KIRREL1: variants seen among roughly 807,000 people sequenced by gnomAD.
KIRREL1 encodes the protein kirre like nephrin family adhesion molecule 1, also known as kin of IRRE-like protein 1.
A neutral mutation model predicts 83.3 loss-of-function variants in KIRREL1; 25 were observed. The observed-to-expected ratio is 0.30, with a 90% confidence interval of 0.22 to 0.42. The LOEUF is 0.42. KIRREL1 is among the 10% of genes least tolerant of loss of function. KIRREL1 has a pLI of 1.00. For missense variants in KIRREL1, 812 were observed against 1,032.3 expected (o/e 0.79, Z 2.92); for synonymous variants, 388 against 410.4 (o/e 0.95, Z 0.66).
At chr1:158,024,298 A>G (rs1660100561) in intron 1 of KIRREL1, among the ~76,000 whole-genome samples, 3 of 67,330 alleles carry the variant, frequency 4.5e-5, no homozygotes, top group African/African-American at 6.7e-5. Flanking sequence ...TTTTTTTTTG[A>G]GACAGAGTAT....
chr1:158,072,646 C>G (rs1453423943), intron 1 of KIRREL1, among the ~76,000 whole-genome samples: 1 of 151,954 alleles, frequency 6.6e-6, no homozygotes, highest in Non-Finnish European at 1.5e-5. Flanking sequence ...GAAGAGGTGA[C>G]AAAGGCCTCC....
intron 1 of KIRREL1, among the ~76,000 whole-genome samples, chr1:158,014,063 T>G (rs1483690160): frequency 6.6e-6 from 1 of 151,616 alleles, no homozygotes; most frequent in Non-Finnish European, 1.5e-5. Context: ...CCCAAAGATA[T>G]GGGAGAGGGC....
rs1195890479 is a variant in KIRREL1 at position 158,097,195 on chromosome 1, T to C, written c.*2075T>C. 2 of 378,010 alleles carry C rather than the reference T, an allele frequency of 5.3e-6. No homozygotes were observed. Among genetic ancestry groups the C allele is most frequent in the South Asian group, 2.0e-5 (1 of 49,890 alleles). 23.4% of individuals were successfully genotyped at this position (378,010 alleles called of 1,614,324 possible). On this transcript the variant is annotated 3_prime_UTR_variant, in exon 15 of 15. Transcript: ENST00000359209. ...CTTTTATGAGAGCTCAGTGGGAAGG[T>C]CTGTCAAGAAATTCAGGTTCTTGTA...
intron 1 of KIRREL1, among the ~76,000 whole-genome samples, chr1:158,059,913 T>C (rs932947548): frequency 2.0e-5 from 3 of 152,136 alleles, no homozygotes; most frequent in African/African-American, 7.2e-5. Context: ...GGAATTAGTG[T>C]TGAGGTGGAC....
intron 1 of KIRREL1, among the ~76,000 whole-genome samples, chr1:158,070,013 C>G (rs1449325246): frequency 1.3e-5 from 2 of 152,190 alleles, no homozygotes; most frequent in African/African-American, 4.8e-5. Context: ...GCCTTGGCTA[C>G]CGCTCCTCCC....
intron 1 of KIRREL1, among the ~76,000 whole-genome samples, chr1:158,030,536 G>A (rs1001789916): frequency 1.6e-4 from 24 of 152,180 alleles, no homozygotes; most frequent in African/African-American, 5.1e-4. Flanking sequence ...ACTCCAGGCC[G>A]TCGCATATCT....
chr1:157,998,748 C>T (rs185622390), intron 1 of KIRREL1, among the ~76,000 whole-genome samples: 61 of 152,302 alleles, frequency 4.0e-4, no homozygotes, highest in Middle Eastern at 3.4e-3. Context: ...TGTTCTAACC[C>T]GCCTGGGGAG....
chr1:158,023,620 G>A (rs575179992), intron 1 of KIRREL1, among the ~76,000 whole-genome samples: 104 of 152,274 alleles, frequency 6.8e-4, no homozygotes, highest in African/African-American at 2.2e-3. Context: ...TAGGGGGACC[G>A]GGAGACTTGT....
At chr1:158,000,363 T>C (rs1187863381) in intron 1 of KIRREL1, among the ~76,000 whole-genome samples, 2 of 152,238 alleles carry the variant, frequency 1.3e-5, no homozygotes, top group African/African-American at 2.4e-5. Flanking sequence ...CCCTCCTGTG[T>C]CTTTAAAGGC....
At position 158,086,644 on chromosome 1, in the gene KIRREL1, A is replaced by G; in HGVS notation, c.559A>G (p.Ile187Val). 6.4e-7 allele frequency: 1 copy of G among 1,552,046 alleles called. No homozygotes were observed. Among genetic ancestry groups the G allele is most frequent in the Non-Finnish European group, 8.7e-7 (1 of 1,147,080 alleles). ...GGAGACCACCGTGAGCCAACTGCTT[A>G]TTAACCCCACGGACCTGGACATAGG... ...KRETTVSQLL[I>V]NPTDLDIGRV... Residue 187 changes from isoleucine to valine, a missense_variant, in exon 5 of 15, where the codon ATT (isoleucine) becomes GTT (valine). Coordinates refer to ENST00000359209, the MANE Select transcript of KIRREL1 (RefSeq NM_018240.7).
chr1:158,045,664 T>A (rs1258111214), intron 1 of KIRREL1, among the ~76,000 whole-genome samples: 1 of 151,852 alleles, frequency 6.6e-6, no homozygotes, highest in Non-Finnish European at 1.5e-5. Context: ...ACTCTAGGAG[T>A]CCAGAGTTTT....
chr1:157,995,183 C>T (rs1321632337), intron 1 of KIRREL1, among the ~76,000 whole-genome samples: 1 of 152,218 alleles, frequency 6.6e-6, no homozygotes, highest in African/African-American at 2.4e-5. Context: ...CCTTTCCTCT[C>T]CTTGTCGGGT....
intron 1 of KIRREL1, among the ~76,000 whole-genome samples, chr1:158,004,467 G>A (rs1445776445): frequency 2.0e-5 from 3 of 152,288 alleles, no homozygotes; most frequent in East Asian, 3.9e-4. Flanking sequence ...ACAGTGTAAT[G>A]GAAAGCACTC....
intron 1 of KIRREL1, among the ~76,000 whole-genome samples, chr1:158,043,748 A>G (rs1660703250): frequency 6.6e-6 from 1 of 152,154 alleles, no homozygotes; most frequent in African/African-American, 2.4e-5. Flanking sequence ...TTCCTGGGGC[A>G]CAATGAGACA....
At position 158,076,125 on chromosome 1, in the gene KIRREL1, G is replaced by A. The variant is rs1050039797; in HGVS notation, c.65G>A (p.Arg22His). The A allele has an allele frequency of 2.1e-5, 34 of 1,613,830 alleles. No individual in the cohort carries two copies. Among genetic ancestry groups the A allele is most frequent in the African/African-American group, 4.0e-5 (3 of 74,922 alleles). The part of the protein sequence containing the change: ...SDTFSQGTQT[R>H]FSQEPADQTV... ...TTTGGCTTTGCAGGGACCCAGACCC[G>A]CTTCAGCCAGGAGCCAGCTGACCAG... is the stretch of plus-strand genomic sequence containing the variant. The change falls in exon 2 of 15, where the codon CGC (arginine) becomes CAC (histidine). Residue 22 changes from arginine (R) to histidine (H), a missense_variant. Around this residue, in one of 3 missense-constraint regions of KIRREL1, gnomAD observed 472 missense variants for 626.8 expected, o/e 0.75. Transcript: ENST00000359209.
intron 1 of KIRREL1, among the ~76,000 whole-genome samples, chr1:158,044,316 T>C (rs1191421269): frequency 6.6e-6 from 1 of 152,140 alleles, no homozygotes; most frequent in Non-Finnish European, 1.5e-5. Flanking sequence ...GGGACAGTCA[T>C]CTGTACTGAC....
At chr1:158,089,425 C>T in intron 8 of KIRREL1, 77 bp from the exon 9 acceptor site, 2 of 1,587,528 alleles carry the variant, frequency 1.3e-6, no homozygotes, top group Non-Finnish European at 1.7e-6. Context: ...CTTTCCGATG[C>T]CTCCGATGTG....
intron 1 of KIRREL1, among the ~76,000 whole-genome samples, chr1:158,063,514 A>G (rs1274214037): frequency 6.6e-6 from 1 of 152,142 alleles, no homozygotes; most frequent in Non-Finnish European, 1.5e-5. Flanking sequence ...GTCTTTCAGC[A>G]CTTATTTGTT....
intron 10 of KIRREL1, 49 bp downstream of exon 10, chr1:158,089,867 C>T (rs1662139696): frequency 2.6e-6 from 4 of 1,516,974 alleles, no homozygotes; most frequent in African/African-American, 2.7e-5. Flanking sequence ...TGCTTCTTTG[C>T]CCAGGCCCAG....
Sources: gnomAD v4.1 joint callset for allele counts (sites outside exome capture counted in the v4.1 genomes callset) on GRCh38, gnomAD v4.1.1 for gene constraint, gnomAD v4.1.1 regional missense constraint, MANE v1.5 for transcripts, NCBI Gene and HGNC (gene_info 2026-07-23, HGNC 2026-07-21) for gene names.